The following IFT88 variants were observed in gnomAD, a reference collection of about 807,000 sequenced individuals.
IFT88 encodes the protein intraflagellar transport protein 88 homolog.
In IFT88, 74 loss-of-function variants were observed where a neutral mutation model predicts 119.5. The observed-to-expected ratio is 0.62, with a 90% CI of 0.51 to 0.75. IFT88 has a LOEUF of 0.75. Among genes scored for constraint, IFT88 ranks in the 30% least tolerant of loss-of-function variants. The probability of loss-of-function intolerance (pLI) is 0.00; values close to 1 mark genes in which losing one functional copy is unlikely to be tolerated. For missense variants in IFT88, 961 were observed against 977.7 expected, an observed-to-expected ratio of 0.98 and a Z score of 0.23; for synonymous variants, 279 against 316.7, an observed-to-expected ratio of 0.88 and a Z score of 1.26.
At position 20,653,898 on chromosome 13, in the gene IFT88, C is replaced by T. The variant is rs111838775; in HGVS notation, c.1972C>T (p.Leu658=). Residue 658 remains leucine, a synonymous_variant, in exon 21 of 26, where the codon CTG becomes TTG. Coordinates refer to ENST00000351808, the MANE Select transcript of IFT88 (RefSeq NM_006531.5). ...TAGGCCTACACAAGTGAAATGGCAGCTGATGGTAGCTAGTTGTTTCAGAAG... is the reference window on the plus strand; with the variant it reads ...TAGGCCTACACAAGTGAAATGGCAGTTGATGGTAGCTAGTTGTTTCAGAAG... ...LIQPTQVKWQ[L]MVASCFRRSG... is the part of the protein sequence containing the mutation. 95 of 1,582,752 alleles carry T rather than the reference C, an allele frequency of 6.0e-5. 1 individual carries two copies. In the African/African-American group the frequency reaches 6.4e-4, roughly 11 times the overall value.
rs2050832612 is a variant in IFT88, at chr13:20,646,852, T to G, written c.1949+1894T>G. Reference sequence around the variant, plus strand: ...TTTCCCTTTCTTGCTAACATTCCTGTTTTTTTTTTTCTCTCTCTCTCTCGC... The same window carrying G: ...TTTCCCTTTCTTGCTAACATTCCTGGTTTTTTTTTTCTCTCTCTCTCTCGC... On this transcript the variant is annotated intron_variant, in intron 20 of 25. Coordinates refer to ENST00000351808, the MANE Select transcript of IFT88 (RefSeq NM_006531.5). Among the ~76,000 whole-genome samples, 6 of 145,724 alleles carry G rather than the reference T, an allele frequency of 4.1e-5. 1 individual carries two copies. In the Middle Eastern group the frequency reaches 0.014, roughly 340 times the overall value.
intron 16 of IFT88, among the ~76,000 whole-genome samples, chr13:20,633,982 C>T (rs1445163597): frequency 6.6e-6 from 1 of 152,164 alleles, no homozygotes; most frequent in African/African-American, 2.4e-5. Flanking sequence ...CTTACTCATG[C>T]AGCTGACATC....
intron 1 of IFT88, among the ~76,000 whole-genome samples, chr13:20,572,245 G>T (rs2036511828): frequency 6.6e-6 from 1 of 151,904 alleles, no homozygotes; most frequent in African/African-American, 2.4e-5. Flanking sequence ...TAGAGACAGA[G>T]TCTCACTCTG....
At chr13:20,689,573 A>G (rs2058285160) in intron 24 of IFT88, among the ~76,000 whole-genome samples, 1 of 152,158 alleles carries the variant, frequency 6.6e-6, no homozygotes, top group African/African-American at 2.4e-5. Flanking sequence ...GTTGACTGCA[A>G]ACCCTAAGGC....
chr13:20,656,334 G>T, intron 21 of IFT88, 31 bp from the exon 22 acceptor site: 1 of 947,600 alleles, frequency 1.1e-6, no homozygotes, highest in Non-Finnish European at 1.6e-6. Flanking sequence ...TCTATAATTT[G>T]CTAATATATT....
Position 20,691,430 on chromosome 13 carries a change from T to A in IFT88, c.*255T>A. On this transcript the variant is annotated 3_prime_UTR_variant, in exon 26 of 26. Coordinates refer to ENST00000351808, the MANE Select transcript of IFT88 (RefSeq NM_006531.5). ...GACACACAGGAAGAAATAAATTTCA[T>A]AACACAACCTAGTACATATATGTGT... 1 of 316,314 alleles carries A rather than the reference T, an allele frequency of 3.2e-6. No individual in the cohort carries two copies. Among genetic ancestry groups the A allele is most frequent in the East Asian group, 6.3e-5 (1 of 15,850 alleles). 19.6% of individuals were successfully genotyped at this position (316,314 alleles called of 1,614,324 possible).
intron 23 of IFT88, among the ~76,000 whole-genome samples, chr13:20,664,756 G>A (rs1229995041): frequency 1.3e-5 from 2 of 152,004 alleles, no homozygotes; most frequent in African/African-American, 2.4e-5. Context: ...GGAGAATAAA[G>A]GTAAACTATT....
chr13:20,602,046 C>T, intron 12 of IFT88, 113 bp downstream of exon 12: 1 of 637,348 alleles, frequency 1.6e-6, no homozygotes, highest in East Asian at 2.7e-5. Flanking sequence ...AGGCCTGTAT[C>T]AATGTGTTTT....
intron 9 of IFT88, among the ~76,000 whole-genome samples, chr13:20,597,473 C>T (rs55738439): frequency 1.8e-4 from 28 of 151,882 alleles, no homozygotes; most frequent in African/African-American, 4.8e-4. Flanking sequence ...AGCCGGGTGC[C>T]GTGGCTCACG....
At chr13:20,609,761 CAG>C (rs950840913) in intron 13 of IFT88, among the ~76,000 whole-genome samples, 7 of 144,500 alleles carry the variant, frequency 4.8e-5, no homozygotes, top group African/African-American at 1.9e-4. Context: ...AACAAACAAA[CAG>C]AAAAAAAACA....
In IFT88 at chr13:20,635,830, G is replaced by A. The variant is rs144955616; in HGVS notation, c.1387-2502G>A. Among the ~76,000 whole-genome samples the A allele has an allele frequency of 9.4e-3, 1,428 of 152,020 alleles. 23 individuals carry two copies. Among genetic ancestry groups the A allele is most frequent in the African/African-American group, 0.033 (1,371 of 41,456 alleles). On this transcript the variant is annotated intron_variant, in intron 16 of 25. Transcript: ENST00000351808. ...TAGGTCCAGCAAACCACCATGGGACGTGTATACCTATGTAACAAACCTGCA... is the reference window on the plus strand; with the variant it reads ...TAGGTCCAGCAAACCACCATGGGACATGTATACCTATGTAACAAACCTGCA...
intron 16 of IFT88, among the ~76,000 whole-genome samples, chr13:20,637,967 G>T (rs139568433): frequency 1.4e-3 from 212 of 152,358 alleles, no homozygotes; most frequent in African/African-American, 4.5e-3. Context: ...GACGCAGCCA[G>T]TGTGCTAGGG....
chr13:20,658,006 C>T (rs2057009172), intron 22 of IFT88, among the ~76,000 whole-genome samples: 1 of 151,738 alleles, frequency 6.6e-6, no homozygotes, highest in African/African-American at 2.4e-5. Flanking sequence ...GGGTGTTCTC[C>T]AATGCTGATT....
intron 24 of IFT88, among the ~76,000 whole-genome samples, chr13:20,679,700 C>T (rs1031913145): frequency 6.6e-6 from 1 of 152,200 alleles, no homozygotes; most frequent in Non-Finnish European, 1.5e-5. Context: ...CCAGACTGAA[C>T]TGTTGTGAGC....
rs775367686 is a variant in IFT88 at position 20,641,317 on chromosome 13, T to C, written c.1601T>C (p.Leu534Pro). 7 of 1,610,654 alleles carry C rather than the reference T, an allele frequency of 4.3e-6. No individual in the cohort carries two copies. The highest frequency in any genetic ancestry group is 5.9e-6 in the Non-Finnish European group (7 of 1,177,872). Residue 534 changes from leucine to proline, a missense_variant, in exon 18 of 26, where the codon CTA (leucine) becomes CCA (proline). Coordinates refer to ENST00000351808, the MANE Select transcript of IFT88 (RefSeq NM_006531.5). The stretch of plus-strand genomic sequence containing the variant: ...CTTACCTATGAGAAACTAAATCGGC[T>C]AGATGAGGCTTTGGACTGTTTCCTG... ...IGLTYEKLNR[L>P]DEALDCFLKL...
At chr13:20,682,566 T>C (rs2057443909) in intron 24 of IFT88, among the ~76,000 whole-genome samples, 1 of 152,244 alleles carries the variant, frequency 6.6e-6, no homozygotes, top group Admixed American at 6.5e-5. Flanking sequence ...GTGGCACTAC[T>C]GTAGTGACAT....
intron 2 of IFT88, among the ~76,000 whole-genome samples, chr13:20,576,507 A>G (rs902377304): frequency 3.3e-5 from 5 of 152,114 alleles, no homozygotes; most frequent in East Asian, 1.9e-4. Flanking sequence ...GAGGTCTTAG[A>G]TTTCTAAGTC....
chr13:20,567,892 A>G (rs1052313579), intron 1 of IFT88: 40 of 634,438 alleles, frequency 6.3e-5, no homozygotes, highest in South Asian at 3.9e-4. Flanking sequence ...GAGAAACTGC[A>G]GTAGGCTTCT....
At chr13:20,572,325 T>C (rs1373872222) in intron 1 of IFT88, among the ~76,000 whole-genome samples, 1 of 151,986 alleles carries the variant, frequency 6.6e-6, no homozygotes, top group East Asian at 1.9e-4. Context: ...TTCAAGCGAT[T>C]CTCGTGCCTC....
Sources: allele counts gnomAD v4.1 joint callset (sites outside exome capture counted in the v4.1 genomes callset), GRCh38; gene constraint gnomAD v4.1.1; transcripts MANE v1.5; gene names NCBI Gene and HGNC (gene_info 2026-07-23, HGNC 2026-07-21).